The following KDM5A variants were observed in gnomAD, a reference collection of about 807,000 sequenced individuals.
The protein encoded by KDM5A is lysine demethylase 5A.
KDM5A carries 42 observed loss-of-function variants against 193.5 expected under a neutral mutation model. The ratio of observed to expected loss-of-function variants is 0.22; its 90% CI spans 0.17 to 0.28. The LOEUF (loss-of-function observed/expected upper bound fraction) is 0.28, where lower values mean the gene tolerates loss of function less well. Among genes scored for constraint, KDM5A ranks in the 10% least tolerant of loss-of-function variants. The pLI is 1.00. For synonymous variants in KDM5A, 796 were observed against 718.1 expected (o/e 1.11, Z -1.73); for missense variants, 1,692 against 2,055.1 (o/e 0.82, Z 3.42).
At chr12:387,713 T>A (rs1322103169) in intron 1 of KDM5A, among the ~76,000 whole-genome samples, 1 of 152,200 alleles carries the variant, frequency 6.6e-6, no homozygotes, top group African/African-American at 2.4e-5. Flanking sequence ...TTATCCAGAT[T>A]AGCCTCATCT....
Position 294,936 on chromosome 12 carries a change from A to G in KDM5A, c.4455+637T>C, listed in dbSNP as rs116600127. On this transcript the variant is annotated intron_variant, in intron 26 of 27. Transcript: ENST00000399788. ...GGATATGGTACCATCATCTCATCAA[A>G]TGAGCTCATGGAACTGCTATGTAAG... 2.9e-3 allele frequency among the ~76,000 whole-genome samples: 440 copies of G among 152,292 alleles called. 2 individuals carry two copies. The highest frequency in any genetic ancestry group is 0.01 in the African/African-American group (423 of 41,558).
chr12:356,535 T>A lies in KDM5A; in HGVS notation c.675A>T (p.Ser225=), dbSNP rs942986835. 6.2e-7 allele frequency: 1 copy of A among 1,603,538 alleles called. No individual in the cohort carries two copies. The highest frequency in any genetic ancestry group is 1.3e-5 in the African/African-American group (1 of 74,774). Residue 225 remains serine (S), a splice_region_variant and synonymous_variant, in exon 6 of 28, where the codon TCA becomes TCT. Coordinates refer to ENST00000399788, the MANE Select transcript of KDM5A (RefSeq NM_001042603.3). ...PKRTRRVKTQ[S]ESGDVSRNTE... ...TGTTTCTACTCACATCTCCAGATTC[T>A]GACTAAAAAATAAGCAAAATTCACA...
intron 5 of KDM5A, among the ~76,000 whole-genome samples, chr12:361,057 A>T (rs1944288252): frequency 6.6e-6 from 1 of 152,258 alleles, no homozygotes; most frequent in Non-Finnish European, 1.5e-5. Context: ...AATGAACGAC[A>T]GACATTCAAC....
At chr12:306,878 AG>A (rs1943513579) in intron 24 of KDM5A, 67 bp downstream of exon 24, 18 of 1,257,420 alleles carry the variant, frequency 1.4e-5, no homozygotes, top group Non-Finnish European at 2.1e-5. Context: ...ACTGTTCAAT[AG>A]CTTTTTTTTT....
At chr12:318,577 C>A (rs1943678895) in intron 18 of KDM5A, 116 bp from the exon 19 acceptor site, 2 of 717,536 alleles carry the variant, frequency 2.8e-6, no homozygotes, top group Non-Finnish European at 4.9e-6. Flanking sequence ...ATCTCACCAT[C>A]ATAACACCAA....
intron 3 of KDM5A, among the ~76,000 whole-genome samples, chr12:382,645 A>G (rs1944588341): frequency 6.6e-6 from 1 of 151,872 alleles, no homozygotes; most frequent in Non-Finnish European, 1.5e-5. Flanking sequence ...AACATATTTT[A>G]GCCGGGCGCG....
chr12:303,030 G>A (rs1169232766), intron 24 of KDM5A, among the ~76,000 whole-genome samples: 1 of 152,184 alleles, frequency 6.6e-6, no homozygotes, highest in African/African-American at 2.4e-5. Flanking sequence ...ATGCTACAGA[G>A]GATGTGGAGA....
chr12:297,963 A>G (rs569730797), intron 24 of KDM5A, among the ~76,000 whole-genome samples: 10 of 152,294 alleles, frequency 6.6e-5, no homozygotes, highest in African/African-American at 2.2e-4. Context: ...CGGAGATAAT[A>G]AACCTACAAA....
At chr12:328,577 T>C (rs1943822432) in intron 14 of KDM5A, among the ~76,000 whole-genome samples, 1 of 152,236 alleles carries the variant, frequency 6.6e-6, no homozygotes, top group African/African-American at 2.4e-5. Flanking sequence ...ATACTGTATG[T>C]AGAAGATTTA....
rs921531946 is a variant in KDM5A at position 331,767 on chromosome 12, T to C, written c.1773+52A>G. 9.3e-6 allele frequency: 15 copies of C among 1,610,112 alleles called. No individual in the cohort carries two copies. In the East Asian group the frequency reaches 1.8e-4, roughly 19 times the overall value. On this transcript the variant is annotated intron_variant, in intron 13 of 27. Transcript: ENST00000399788. ...CAAATATGGCAACTAAGCTGCTTTA[T>C]ATTTATAGGGGGGTTAGTAGACGTA...
intron 24 of KDM5A, among the ~76,000 whole-genome samples, chr12:300,914 A>C (rs2137377655): frequency 6.6e-6 from 1 of 152,366 alleles, no homozygotes; most frequent in Middle Eastern, 3.4e-3. Context: ...CTACCCAAAT[A>C]AACTAGAAAA....
chr12:360,220 G>A (rs761909416), intron 5 of KDM5A, among the ~76,000 whole-genome samples: 10 of 150,922 alleles, frequency 6.6e-5, no homozygotes, highest in Non-Finnish European at 1.2e-4. Flanking sequence ...GTCACAGTGA[G>A]CCAAGATCAT....
intron 10 of KDM5A, among the ~76,000 whole-genome samples, chr12:336,211 TAGTC>T (rs1565537890): frequency 6.6e-6 from 1 of 151,192 alleles, no homozygotes; most frequent in Non-Finnish European, 1.5e-5. Flanking sequence ...ATACAAAAAT[TAGTC>T]AGGCGTGGTG....
In KDM5A at chr12:287,790, T is replaced by C. The variant is rs373320583; in HGVS notation, c.4867-2128A>G. Among the ~76,000 whole-genome samples the C allele has an allele frequency of 9.8e-5, 15 of 152,330 alleles. No individual in the cohort carries two copies. In the South Asian group the frequency reaches 2.1e-3, roughly 21 times the overall value. On this transcript the variant is annotated intron_variant, in intron 27 of 27. Transcript: ENST00000399788. The stretch of plus-strand genomic sequence containing the variant: ...TCTAGTCCCCATTCATGCTAATCCA[T>C]TGGATAAGAATGTTATTAATGTATC...
At chr12:388,308 T>G (rs1329868291) in intron 1 of KDM5A, 1 of 455,846 alleles carries the variant, frequency 2.2e-6, no homozygotes, top group Non-Finnish European at 4.4e-6. Flanking sequence ...AAATCGTTGA[T>G]CTTGAGTTCC....
chr12:355,363 G>C, intron 6 of KDM5A, 114 bp from the exon 7 acceptor site: 1 of 715,352 alleles, frequency 1.4e-6, no homozygotes, highest in Non-Finnish European at 2.5e-6. Context: ...TGTTTATCTA[G>C]AGGTAGATAT....
chr12:343,425 TTCACC>T (rs1313222121), intron 10 of KDM5A, among the ~76,000 whole-genome samples: 1 of 151,934 alleles, frequency 6.6e-6, no homozygotes, highest in Non-Finnish European at 1.5e-5. Flanking sequence ...AGCACGGCAT[TTCACC>T]TCTGAGAATG....
chr12:346,124 G>C (rs1797197022), intron 10 of KDM5A, among the ~76,000 whole-genome samples: 1 of 152,104 alleles, frequency 6.6e-6, no homozygotes. Flanking sequence ...TACCATCAGA[G>C]AATACTATAA....
intron 7 of KDM5A, among the ~76,000 whole-genome samples, chr12:354,628 A>G (rs1183324675): frequency 1.3e-5 from 2 of 151,990 alleles, no homozygotes; most frequent in East Asian, 1.9e-4. Flanking sequence ...TTAGCCAGGC[A>G]TGGTGGCAGG....
Sources: gnomAD v4.1 joint callset for allele counts (sites outside exome capture counted in the v4.1 genomes callset) on GRCh38, gnomAD v4.1.1 for gene constraint, MANE v1.5 for transcripts, NCBI Gene and HGNC (gene_info 2026-07-23, HGNC 2026-07-21) for gene names.